The following MEGF9 variants were observed in gnomAD, a reference collection of about 807,000 sequenced individuals.
MEGF9 encodes the protein multiple epidermal growth factor-like domains protein 9.
A neutral mutation model predicts 46.8 loss-of-function variants in MEGF9; 6 were observed. That is an observed-to-expected ratio of 0.13 (90% CI 0.07 to 0.25). MEGF9 has a LOEUF of 0.25. MEGF9 is among the 10% of genes least tolerant of loss of function. The probability of loss-of-function intolerance (pLI) is 1.00; values close to 1 mark genes in which losing one functional copy is unlikely to be tolerated. For synonymous variants in MEGF9, 302 were observed against 330.7 expected (o/e 0.91, Z 0.94); for missense variants, 683 against 792.4 (o/e 0.86, Z 1.66).
chr9:120,611,492 C>T (rs905050029), intron 4 of MEGF9, among the ~76,000 whole-genome samples: 4 of 152,016 alleles, frequency 2.6e-5, no homozygotes, highest in African/African-American at 7.2e-5. Flanking sequence ...GCCAGACACA[C>T]AAGGCCATGT....
At chr9:120,680,453 T>C (rs2043792920) in intron 1 of MEGF9, among the ~76,000 whole-genome samples, 1 of 152,144 alleles carries the variant, frequency 6.6e-6, no homozygotes, top group South Asian at 2.1e-4. Context: ...CTCTTATTCT[T>C]TACCCTTACC....
At chr9:120,643,548 A>G (rs2043612063) in intron 2 of MEGF9, among the ~76,000 whole-genome samples, 4 of 152,204 alleles carry the variant, frequency 2.6e-5, no homozygotes. Context: ...TTGCCCTCAA[A>G]TAAATAATAC....
At chr9:120,683,903 A>C (rs906846720) in intron 1 of MEGF9, among the ~76,000 whole-genome samples, 2 of 152,076 alleles carry the variant, frequency 1.3e-5, no homozygotes, top group African/African-American at 2.4e-5. Flanking sequence ...TCAAAAAAAA[A>C]CCCCAAAACA....
At chr9:120,711,817 C>G (rs2043954177) in intron 1 of MEGF9, among the ~76,000 whole-genome samples, 1 of 146,230 alleles carries the variant, frequency 6.8e-6, no homozygotes, top group Non-Finnish European at 1.5e-5. Context: ...TACTAGTTTT[C>G]TCAAATGCTT....
chr9:120,692,263 T>C (rs567491202), intron 1 of MEGF9, among the ~76,000 whole-genome samples: 5 of 152,320 alleles, frequency 3.3e-5, no homozygotes, highest in South Asian at 2.1e-4. Context: ...CCAGCACCAA[T>C]TGGTAGCTTT....
chr9:120,701,776 G>A (rs1432074734), intron 1 of MEGF9, among the ~76,000 whole-genome samples: 2 of 152,184 alleles, frequency 1.3e-5, no homozygotes, highest in Non-Finnish European at 2.9e-5. Flanking sequence ...GGGGAGCAGT[G>A]GCTCACGCCT....
At chr9:120,657,065 ATTTTATG>A (rs1642505369) in intron 2 of MEGF9, among the ~76,000 whole-genome samples, 1 of 152,244 alleles carries the variant, frequency 6.6e-6, no homozygotes, top group Admixed American at 6.5e-5. Context: ...AATAGTAAAT[ATTTTATG>A]TTTGCAGCCC....
rs2043941317 is a variant in MEGF9, at chr9:120,709,099, T to C, written c.601+4659A>G. On this transcript the variant is annotated intron_variant, in intron 1 of 5. Transcript: ENST00000373930. Reference sequence around the variant, plus strand: ...ATCTGGAGTATTATGTTCAGCTCTGTTTCACATTTTGGTAGACACAGAAAG... The same window carrying C: ...ATCTGGAGTATTATGTTCAGCTCTGCTTCACATTTTGGTAGACACAGAAAG... Among the ~76,000 whole-genome samples, 6 of 152,220 alleles carry C rather than the reference T, an allele frequency of 3.9e-5. No individual in the cohort carries two copies. The South Asian group carries it at 1.2e-3, about 32-fold the overall frequency.
chr9:120,646,844 CA>C (rs2043628254), intron 2 of MEGF9, among the ~76,000 whole-genome samples: 1 of 151,926 alleles, frequency 6.6e-6, no homozygotes, highest in Admixed American at 6.6e-5. Context: ...CAACAGAAAC[CA>C]TAATACCAAA....
chr9:120,618,926 C>A (rs537139332), intron 3 of MEGF9, among the ~76,000 whole-genome samples: 7 of 151,698 alleles, frequency 4.6e-5, no homozygotes, highest in Non-Finnish European at 8.8e-5. Flanking sequence ...TTTAGTACTT[C>A]TCTTTGTAAT....
At chr9:120,677,651 C>T (rs539028485) in intron 1 of MEGF9, among the ~76,000 whole-genome samples, 1 of 152,266 alleles carries the variant, frequency 6.6e-6, no homozygotes, top group East Asian at 1.9e-4. Flanking sequence ...TTCAAATGCA[C>T]TCTCATAACT....
At chr9:120,643,459 A>G (rs1308516854) in intron 2 of MEGF9, among the ~76,000 whole-genome samples, 3 of 152,192 alleles carry the variant, frequency 2.0e-5, no homozygotes, top group African/African-American at 7.2e-5. Flanking sequence ...CTAAAATGGC[A>G]GGTCAACAAA....
At chr9:120,668,500 T>C (rs1367837026) in intron 1 of MEGF9, among the ~76,000 whole-genome samples, 6 of 152,168 alleles carry the variant, frequency 3.9e-5, no homozygotes, top group Non-Finnish European at 7.4e-5. Flanking sequence ...ATGAAATAAA[T>C]GGGGCAACAT....
chr9:120,647,144 G>GTT (rs74313275), intron 2 of MEGF9, among the ~76,000 whole-genome samples: 3 of 140,762 alleles, frequency 2.1e-5, no homozygotes, highest in African/African-American at 2.6e-5. Context: ...CTGGAAAAAA[G>GTT]TTTTTTTTTT....
chr9:120,662,011 T>A (rs989009331), intron 1 of MEGF9, among the ~76,000 whole-genome samples: 20 of 152,192 alleles, frequency 1.3e-4, no homozygotes, highest in East Asian at 5.8e-4. Flanking sequence ...CTAAAAAAAA[T>A]TTTCTACAAT....
intron 1 of MEGF9, among the ~76,000 whole-genome samples, chr9:120,707,630 T>C (rs754614818): frequency 2.6e-5 from 4 of 152,212 alleles, no homozygotes; most frequent in Non-Finnish European, 5.9e-5. Context: ...AATGGCATCT[T>C]CTTAAAGAAA....
chr9:120,713,444 G>A (rs908952552), intron 1 of MEGF9, among the ~76,000 whole-genome samples: 1 of 152,156 alleles, frequency 6.6e-6, no homozygotes, highest in African/African-American at 2.4e-5. Flanking sequence ...GGCTGGGTGC[G>A]CGAACCCAAC....
At chr9:120,630,834 A>T (rs2043547605) in intron 2 of MEGF9, among the ~76,000 whole-genome samples, 1 of 152,174 alleles carries the variant, frequency 6.6e-6, no homozygotes, top group South Asian at 2.1e-4. Context: ...CATTTTTAAA[A>T]TTATTTGTTT....
At chr9:120,675,887 C>CAAAAAAAA (rs1173047863) in intron 1 of MEGF9, among the ~76,000 whole-genome samples, 4 of 58,142 alleles carry the variant, frequency 6.9e-5, no homozygotes, top group Non-Finnish European at 1.2e-4. Context: ...GACTCCATCT[C>CAAAAAAAA]AAAAAAAAAA....
Sources: allele counts gnomAD v4.1 joint callset (sites outside exome capture counted in the v4.1 genomes callset), GRCh38; gene constraint gnomAD v4.1.1; transcripts MANE v1.5; gene names NCBI Gene and HGNC (gene_info 2026-07-23, HGNC 2026-07-21).